Variants in LMX1B observed in about 807,000 individuals in gnomAD.
The protein encoded by LMX1B is LIM homeobox transcription factor 1-beta.
Under a neutral mutation model 51.4 loss-of-function variants are expected in LMX1B, and 12 were observed. That is an observed-to-expected ratio of 0.23 (90% confidence interval 0.15 to 0.38). The LOEUF (loss-of-function observed/expected upper bound fraction) is 0.38. LMX1B is among the 10% of genes least tolerant of loss of function. LMX1B has a pLI of 1.00. For missense variants in LMX1B, 445 were observed against 571.1 expected (o/e 0.78, Z 2.25); for synonymous variants, 237 against 235.4 (o/e 1.01, Z -0.06).
intron 2 of LMX1B, among the ~76,000 whole-genome samples, chr9:126,624,059 C>T (rs1835472497): frequency 6.6e-6 from 1 of 152,258 alleles, no homozygotes; most frequent in African/African-American, 2.4e-5. Flanking sequence ...ATTTGGGAAC[C>T]GCGCGCTCTA....
At chr9:126,647,269 A>G (rs1835919785) in intron 2 of LMX1B, among the ~76,000 whole-genome samples, 1 of 152,142 alleles carries the variant, frequency 6.6e-6, no homozygotes, top group African/African-American at 2.4e-5. Flanking sequence ...AAGCAAAGAA[A>G]TGAAAGATCC....
chr9:126,653,274 AC>A (rs1429007036), intron 2 of LMX1B, among the ~76,000 whole-genome samples: 1 of 145,232 alleles, frequency 6.9e-6, no homozygotes, highest in Non-Finnish European at 1.5e-5. Context: ...TACCTCAGCT[AC>A]CCCCGATGAG....
At chr9:126,635,904 C>A (rs769860466) in intron 2 of LMX1B, among the ~76,000 whole-genome samples, 12 of 152,210 alleles carry the variant, frequency 7.9e-5, no homozygotes, top group Non-Finnish European at 1.2e-4. Context: ...AGAACCTGCC[C>A]TGTGGGCTGC....
intron 2 of LMX1B, among the ~76,000 whole-genome samples, chr9:126,662,671 C>T (rs896940584): frequency 2.0e-5 from 3 of 152,210 alleles, no homozygotes; most frequent in African/African-American, 7.2e-5. Context: ...GGCTGGGAGC[C>T]GGTGGGCGGC....
At chr9:126,639,808 C>T (rs926992522) in intron 2 of LMX1B, among the ~76,000 whole-genome samples, 4 of 152,128 alleles carry the variant, frequency 2.6e-5, no homozygotes, top group Non-Finnish European at 5.9e-5. Context: ...GTTGGCCTGT[C>T]GATTTTTATT....
Position 126,615,600 on chromosome 9 carries a change from C to T in LMX1B, c.326+31C>T, listed in dbSNP as rs1238247197. The T allele has an allele frequency of 6.3e-7, 1 of 1,576,868 alleles. No individual in the cohort carries two copies. Among genetic ancestry groups the T allele is most frequent in the South Asian group, 1.1e-5 (1 of 87,066 alleles). On this transcript the variant is annotated intron_variant, in intron 2 of 7. Coordinates refer to ENST00000373474, the MANE Select transcript of LMX1B (RefSeq NM_001174147.2). This position sits in a 1 kb window ranked among gnomAD's most constrained non-coding sequence, Gnocchi z 6.0. The stretch of plus-strand genomic sequence containing the variant: ...CGCTTCTCGTCCTCCTTCCCCGCCA[C>T]CGCCCGGCACTCGAGCCCGGTCAGC...
chr9:126,644,034 C>A (rs1232419578), intron 2 of LMX1B, among the ~76,000 whole-genome samples: 1 of 152,148 alleles, frequency 6.6e-6, no homozygotes, highest in Non-Finnish European at 1.5e-5. Flanking sequence ...CAGTCACTGG[C>A]CCGCACTGCC....
rs995672765 is a variant in LMX1B, at chr9:126,615,046, G to A, written c.140-337G>A. ...GGCGTGTCAGCCAGCGAGCGCCCCA[G>A]CCTCACCTCGCCTGTCTTGGTCCCA... On this transcript the variant is annotated intron_variant, in intron 1 of 7. Coordinates refer to ENST00000373474, the MANE Select transcript of LMX1B (RefSeq NM_001174147.2). The surrounding 1 kb of genome is among the most constrained non-coding windows in gnomAD (Gnocchi z 6.0). Among the ~76,000 whole-genome samples, 3 of 151,780 alleles carry A rather than the reference G, an allele frequency of 2.0e-5. No individual in the cohort carries two copies. Among genetic ancestry groups the A allele is most frequent in the Admixed American group, 2.0e-4 (3 of 15,266 alleles).
At chr9:126,666,242 A>AG (rs1364958607) in intron 2 of LMX1B, among the ~76,000 whole-genome samples, 4 of 152,230 alleles carry the variant, frequency 2.6e-5, no homozygotes, top group African/African-American at 9.6e-5. Flanking sequence ...GGCTCCCTGA[A>AG]GGAAGTGCCC....
chr9:126,692,550 T>G (rs1354027793), intron 3 of LMX1B, among the ~76,000 whole-genome samples: 2 of 152,186 alleles, frequency 1.3e-5, no homozygotes, highest in African/African-American at 4.8e-5. Context: ...CATGGGCCCA[T>G]GTGTGTGAAT....
rs1196930954 is a variant in LMX1B at position 126,625,385 on chromosome 9, C to A, written c.326+9816C>A. Among the ~76,000 whole-genome samples, 1 of 152,208 alleles carries A rather than the reference C, an allele frequency of 6.6e-6. No homozygotes were observed. The highest frequency in any genetic ancestry group is 2.4e-5 in the African/African-American group (1 of 41,446). On this transcript the variant is annotated intron_variant, in intron 2 of 7. Coordinates refer to ENST00000373474, the MANE Select transcript of LMX1B (RefSeq NM_001174147.2). The surrounding 1 kb of genome is among the most constrained non-coding windows in gnomAD (Gnocchi z 5.3). ...AGGGTTAGTGGGATGTGTTTGCCTCCTCTGACCGAGAGCACGGGTCCTGCT... is the reference window on the plus strand; with the variant it reads ...AGGGTTAGTGGGATGTGTTTGCCTCATCTGACCGAGAGCACGGGTCCTGCT...
intron 2 of LMX1B, among the ~76,000 whole-genome samples, chr9:126,622,611 T>C (rs1835438152): frequency 6.6e-6 from 1 of 152,244 alleles, no homozygotes; most frequent in Non-Finnish European, 1.5e-5. Context: ...TTCTCCCGCC[T>C]CCTGCCTTCC....
In LMX1B at chr9:126,696,471, A is replaced by G. The variant is rs765634017; in HGVS notation, c.*20A>G. The G allele has an allele frequency of 1.9e-6, 3 of 1,613,408 alleles. No individual in the cohort carries two copies. The highest frequency in any genetic ancestry group is 1.1e-5 in the South Asian group (1 of 91,070). On this transcript the variant is annotated 3_prime_UTR_variant, in exon 8 of 8. Transcript: ENST00000373474. ...TCCTGAGAGCCAGCCAGGCGCACGGACGCTTGGGCAGGGGCCTGGGGGGGA... is the reference window on the plus strand; with the variant it reads ...TCCTGAGAGCCAGCCAGGCGCACGGGCGCTTGGGCAGGGGCCTGGGGGGGA...
At chr9:126,690,330 G>A (rs1162421312) in intron 2 of LMX1B, among the ~76,000 whole-genome samples, 1 of 152,182 alleles carries the variant, frequency 6.6e-6, no homozygotes, top group Non-Finnish European at 1.5e-5. Context: ...AAGGATTGAA[G>A]GGGCCAGGAG....
chr9:126,687,911 C>G (rs771259233), intron 2 of LMX1B, among the ~76,000 whole-genome samples: 1 of 152,094 alleles, frequency 6.6e-6, no homozygotes, highest in Non-Finnish European at 1.5e-5. Flanking sequence ...AAGAGGGAAC[C>G]CCGCTGGTAT....
rs969233376 is a variant in LMX1B, at chr9:126,693,956, G to A, written c.886+144G>A. Reference sequence around the variant, plus strand: ...GGGACCGGGGCTGCACCTGTCCCAGGGCTAGGGACAAAGGGGCCCGGGATG... The same window carrying A: ...GGGACCGGGGCTGCACCTGTCCCAGAGCTAGGGACAAAGGGGCCCGGGATG... On this transcript the variant is annotated intron_variant, in intron 6 of 7. Coordinates refer to ENST00000373474, the MANE Select transcript of LMX1B (RefSeq NM_001174147.2). 5.0e-6 allele frequency: 3 copies of A among 599,940 alleles called. No individual in the cohort carries two copies. The African/African-American group carries it at 5.6e-5, about 11-fold the overall frequency. The allele number at this position is 599,940 out of a possible 1,614,324, so 37.2% of individuals were successfully genotyped here. A position where few individuals can be genotyped will look rare whatever the true frequency, so the allele number is the denominator to read the frequency against.
intron 2 of LMX1B, among the ~76,000 whole-genome samples, chr9:126,635,675 G>A (rs1696490436): frequency 6.6e-6 from 1 of 152,226 alleles, no homozygotes; most frequent in Non-Finnish European, 1.5e-5. Context: ...GCTGCTAGAT[G>A]ATGATTAGCC....
Position 126,614,586 on chromosome 9 carries a change from T to C in LMX1B, c.137T>C (p.Leu46Pro). ...RPGPATLGVL[L>P]GSDCPHPAVC... ...GGGCCCGCCACTCTGGGGGTGCTGC[T>C]GGGTGAGTGCGGGGTCGGAACGCCC... The change falls in exon 1 of 8, where the codon CTG becomes CCG. Residue 46 changes from leucine to proline, a missense_variant and splice_region_variant. This residue lies in a region of LMX1B where 273 missense variants were observed against 343.3 expected (regional missense o/e 0.80). Transcript: ENST00000373474. 2 of 1,598,212 alleles carry C rather than the reference T, an allele frequency of 1.3e-6. No individual in the cohort carries two copies. The highest frequency in any genetic ancestry group is 8.5e-7 in the Non-Finnish European group (1 of 1,172,392).
At chr9:126,670,139 A>G (rs1836422112) in intron 2 of LMX1B, among the ~76,000 whole-genome samples, 1 of 152,182 alleles carries the variant, frequency 6.6e-6, no homozygotes, top group East Asian at 1.9e-4. Flanking sequence ...CTCCCAGAAT[A>G]TACCAGCTGG....
Sources: gnomAD v4.1 joint callset for allele counts (sites outside exome capture counted in the v4.1 genomes callset) on GRCh38, gnomAD v4.1.1 for gene constraint, gnomAD v4.1.1 regional missense constraint, Gnocchi (gnomAD v3.1) non-coding constraint, MANE v1.5 for transcripts, NCBI Gene and HGNC (gene_info 2026-07-23, HGNC 2026-07-21) for gene names.